Variants in USH2A observed in about 807,000 individuals in gnomAD.
USH2A encodes usherin, also known as Usher syndrome 2A (autosomal recessive, mild).
A neutral mutation model predicts 538.9 loss-of-function variants in USH2A; 443 were observed. That is an observed-to-expected ratio of 0.82 (90% CI 0.76 to 0.89). The LOEUF (loss-of-function observed/expected upper bound fraction) is 0.89. USH2A is among the 40% of genes least tolerant of loss of function. The pLI is 0.00. For missense variants in USH2A, 6,633 were observed against 6,324.8 expected, an observed-to-expected ratio of 1.05 and a Z score of -1.65; for synonymous variants, 2,413 against 2,273.5, an observed-to-expected ratio of 1.06 and a Z score of -1.75.
At chr1:215,690,298 G>A (rs913351023) in intron 61 of USH2A, among the ~76,000 whole-genome samples, 1 of 152,150 alleles carries the variant, frequency 6.6e-6, no homozygotes, top group Non-Finnish European at 1.5e-5. Flanking sequence ...GGACACTAAG[G>A]TGGCTGGCCA....
chr1:215,776,308 A>C (rs73088895), intron 55 of USH2A, among the ~76,000 whole-genome samples: 1 of 152,134 alleles, frequency 6.6e-6, no homozygotes, highest in African/African-American at 2.4e-5. Context: ...AAAACGCTTC[A>C]GTTTACTTAA....
At chr1:215,846,538 G>A (rs563321005) in intron 44 of USH2A, among the ~76,000 whole-genome samples, 8 of 152,140 alleles carry the variant, frequency 5.3e-5, no homozygotes, top group East Asian at 1.9e-4. Flanking sequence ...AATAATTTGC[G>A]TTTTTTCCCA....
At chr1:216,097,030 C>T (rs2032456713) in intron 22 of USH2A, 53 bp downstream of exon 22, 3 of 1,523,356 alleles carry the variant, frequency 2.0e-6, no homozygotes, top group Non-Finnish European at 2.7e-6. Context: ...TACCTCAGTA[C>T]CAGGCACCTA....
intron 37 of USH2A, among the ~76,000 whole-genome samples, chr1:215,957,464 T>A (rs1667097763): frequency 6.6e-6 from 1 of 152,234 alleles, no homozygotes; most frequent in African/African-American, 2.4e-5. Flanking sequence ...TGAGTATTTG[T>A]GTATGAAACA....
intron 11 of USH2A, among the ~76,000 whole-genome samples, chr1:216,273,236 G>A (rs772595358): frequency 1.3e-5 from 2 of 151,978 alleles, no homozygotes; most frequent in African/African-American, 4.8e-5. Context: ...GAAAATGGGC[G>A]ACTGAAAATA....
chr1:215,929,031 G>GA (rs1264825727), intron 38 of USH2A, among the ~76,000 whole-genome samples: 4 of 151,790 alleles, frequency 2.6e-5, no homozygotes, highest in Admixed American at 6.6e-5. Context: ...AGTGAAAAAT[G>GA]AAAAAAAGTT....
intron 1 of USH2A, among the ~76,000 whole-genome samples, chr1:216,422,926 C>A (rs1247557217): frequency 3.3e-5 from 5 of 151,980 alleles, no homozygotes; most frequent in Non-Finnish European, 7.4e-5. Flanking sequence ...GGAAAAGAAT[C>A]TTGTAGATTT....
At chr1:216,291,217 A>G (rs2036994492) in intron 10 of USH2A, among the ~76,000 whole-genome samples, 1 of 152,066 alleles carries the variant, frequency 6.6e-6, no homozygotes, top group Non-Finnish European at 1.5e-5. Context: ...CTTCCTTCCT[A>G]ATATCTCTTA....
At chr1:216,411,509 G>A (rs896321977) in intron 3 of USH2A, among the ~76,000 whole-genome samples, 4 of 152,082 alleles carry the variant, frequency 2.6e-5, no homozygotes, top group South Asian at 2.1e-4. Context: ...AGACACACAC[G>A]ATCAGAGGAG....
chr1:216,375,184 C>A (rs923513030), intron 3 of USH2A, among the ~76,000 whole-genome samples: 10 of 152,124 alleles, frequency 6.6e-5, no homozygotes, highest in African/African-American at 2.4e-4. Context: ...ACTGCATTAG[C>A]CCCTAACAAG....
At chr1:216,009,620 C>T (rs769792542) in intron 32 of USH2A, among the ~76,000 whole-genome samples, 13 of 152,108 alleles carry the variant, frequency 8.5e-5, no homozygotes, top group African/African-American at 3.1e-4. Flanking sequence ...AGCGTCCAAG[C>T]GTGGCTGAGT....
At chr1:216,291,405 A>G (rs970350465) in intron 10 of USH2A, among the ~76,000 whole-genome samples, 1 of 152,142 alleles carries the variant, frequency 6.6e-6, no homozygotes, top group African/African-American at 2.4e-5. Context: ...CTTTGTAATC[A>G]TTCCTTTCAA....
chr1:215,708,628 G>A (rs961191832), intron 61 of USH2A, among the ~76,000 whole-genome samples: 1 of 152,112 alleles, frequency 6.6e-6, no homozygotes, highest in South Asian at 2.1e-4. Context: ...ACACAACTTA[G>A]ATCCCTTGCG....
chr1:216,130,735 T>G (rs1422014088), intron 21 of USH2A, among the ~76,000 whole-genome samples: 1 of 151,064 alleles, frequency 6.6e-6, no homozygotes, highest in Non-Finnish European at 1.5e-5. Context: ...TTGGGTTGAT[T>G]CCATATTTTT....
intron 26 of USH2A, 97 bp from the exon 27 acceptor site, chr1:216,078,459 AACAGT>A: frequency 8.5e-7 from 1 of 1,177,646 alleles, no homozygotes; most frequent in Non-Finnish European, 1.2e-6. Context: ...AGAAAAGCAA[AACAGT>A]TCCCTGAAAG....
intron 63 of USH2A, among the ~76,000 whole-genome samples, chr1:215,673,781 T>G (rs937660382): frequency 6.6e-6 from 1 of 152,212 alleles, no homozygotes; most frequent in African/African-American, 2.4e-5. Context: ...CTGTCAGAAC[T>G]GTCCAGGGGC....
chr1:216,075,281 T>C (rs2031707964), intron 27 of USH2A, among the ~76,000 whole-genome samples: 1 of 152,174 alleles, frequency 6.6e-6, no homozygotes, highest in African/African-American at 2.4e-5. Flanking sequence ...GTCCTTCCAG[T>C]GGCAACCAAA....
chr1:216,299,655 G>A (rs1231198742), intron 9 of USH2A, among the ~76,000 whole-genome samples: 1 of 152,076 alleles, frequency 6.6e-6, no homozygotes, highest in Non-Finnish European at 1.5e-5. Flanking sequence ...TCATTTGCAT[G>A]TAACATTTCA....
Position 215,629,779 on chromosome 1 carries a change from T to C in USH2A, c.15298-744A>G, listed in dbSNP as rs187094433. On this transcript the variant is annotated intron_variant, in intron 70 of 71. Coordinates refer to ENST00000307340, the MANE Select transcript of USH2A (RefSeq NM_206933.4). ...CTGCTTTTTCTTTTCTTTTCTTTTT[T>C]TTTTTTTTTTTTTTGAGACAGAGTT... 9.3e-3 allele frequency among the ~76,000 whole-genome samples: 1,382 copies of C among 147,998 alleles called. 17 individuals carry two copies. Among genetic ancestry groups the C allele is most frequent in the African/African-American group, 0.032 (1,275 of 40,100 alleles).
Sources: gnomAD v4.1 joint callset for allele counts (sites outside exome capture counted in the v4.1 genomes callset) on GRCh38, gnomAD v4.1.1 for gene constraint, MANE v1.5 for transcripts, NCBI Gene and HGNC (gene_info 2026-07-23, HGNC 2026-07-21) for gene names.